The following PDE4D variants were observed in gnomAD, a reference collection of about 807,000 sequenced individuals.
PDE4D encodes the protein phosphodiesterase 4D, also known as 3',5'-cyclic-AMP phosphodiesterase 4D.
A neutral mutation model predicts 87.4 loss-of-function variants in PDE4D; 24 were observed. The observed-to-expected ratio is 0.27, with a 90% CI of 0.20 to 0.39. PDE4D has a LOEUF of 0.39. Ranked by LOEUF, PDE4D falls within the 10% of genes least tolerant of loss-of-function variation. PDE4D has a pLI of 1.00. For missense variants in PDE4D, 714 were observed against 1,041.0 expected (o/e 0.69, Z 4.32); for synonymous variants, 384 against 383.2 (o/e 1.00, Z -0.02).
At chr5:59,900,522 C>T (rs1752150084) in intron 3 of PDE4D, among the ~76,000 whole-genome samples, 1 of 152,064 alleles carries the variant, frequency 6.6e-6, no homozygotes, top group South Asian at 2.1e-4. Flanking sequence ...CTGCATATTG[C>T]TTTAGCATTG....
intron 2 of PDE4D, among the ~76,000 whole-genome samples, chr5:60,122,103 T>C (rs1232719165): frequency 6.6e-6 from 1 of 152,162 alleles, no homozygotes; most frequent in African/African-American, 2.4e-5. Context: ...TGGGTTCCCA[T>C]GGTCTTGGGC....
At chr5:59,532,400 A>G (rs1301790167) in intron 1 of PDE4D, among the ~76,000 whole-genome samples, 1 of 152,138 alleles carries the variant, frequency 6.6e-6, no homozygotes, top group African/African-American at 2.4e-5. Flanking sequence ...AGCCTCCCAA[A>G]GTGTTGAGAT....
At chr5:59,467,607 G>A (rs530057780) in intron 1 of PDE4D, among the ~76,000 whole-genome samples, 3 of 152,282 alleles carry the variant, frequency 2.0e-5, no homozygotes, top group Admixed American at 6.5e-5. Flanking sequence ...GAAGTTAACA[G>A]AAACATACTA....
Position 59,482,615 on chromosome 5 carries a change from T to C in PDE4D, c.456-266647A>G, listed in dbSNP as rs556612628. Among the ~76,000 whole-genome samples the C allele has an allele frequency of 3.9e-5, 6 of 152,238 alleles. No individual in the cohort carries two copies. The East Asian group carries it at 5.8e-4, about 15-fold the overall frequency. On this transcript the variant is annotated intron_variant, in intron 1 of 14. Coordinates refer to ENST00000340635, the MANE Select transcript of PDE4D (RefSeq NM_001104631.2). ...CCTTGTTGTGTCTGAAATGGACCCA[T>C]AGAAGTTATTGTGATGCCTTAGTAA...
chr5:59,916,137 A>G (rs1442157796), intron 3 of PDE4D, among the ~76,000 whole-genome samples: 1 of 152,184 alleles, frequency 6.6e-6, no homozygotes, highest in Non-Finnish European at 1.5e-5. Flanking sequence ...CTGAACTTTT[A>G]TATAATATTT....
intron 1 of PDE4D, among the ~76,000 whole-genome samples, chr5:59,877,568 A>G (rs1026531941): frequency 6.6e-6 from 1 of 151,518 alleles, no homozygotes; most frequent in African/African-American, 2.4e-5. Context: ...TAATCCCAGC[A>G]CTTTGGGAGG....
At chr5:60,510,648 G>C (rs1474903750) in intron 1 of PDE4D, among the ~76,000 whole-genome samples, 1 of 152,194 alleles carries the variant, frequency 6.6e-6, no homozygotes, top group Non-Finnish European at 1.5e-5. Flanking sequence ...GCAAGAGTAC[G>C]GAGGGCCTTA....
At chr5:59,658,770 G>T (rs1299667609) in intron 1 of PDE4D, among the ~76,000 whole-genome samples, 3 of 152,064 alleles carry the variant, frequency 2.0e-5, no homozygotes, top group African/African-American at 7.2e-5. Context: ...TTTATTGCAT[G>T]GTTTAAAAAG....
chr5:59,146,019 C>T lies in PDE4D; in HGVS notation c.808+34576G>A, dbSNP rs572843808. 5.3e-5 allele frequency among the ~76,000 whole-genome samples: 8 copies of T among 152,192 alleles called. No homozygotes were observed. In the South Asian group the frequency reaches 8.3e-4, roughly 16 times the overall value. On this transcript the variant is annotated intron_variant, in intron 5 of 14. Transcript: ENST00000340635. ...ACATACGCCTGTAGTCCCAGCTACT[C>T]GGGAGGCTAAGGCAGGAGAATCGCT...
At chr5:59,577,632 T>C (rs1417006564) in intron 1 of PDE4D, among the ~76,000 whole-genome samples, 1 of 152,160 alleles carries the variant, frequency 6.6e-6, no homozygotes, top group Non-Finnish European at 1.5e-5. Context: ...ACTTTTAGAA[T>C]CTTATTTAGA....
chr5:60,061,517 T>C (rs1247079292), intron 2 of PDE4D, among the ~76,000 whole-genome samples: 2 of 152,150 alleles, frequency 1.3e-5, no homozygotes, highest in African/African-American at 2.4e-5. Context: ...CAAAGTAGTT[T>C]ATAGATTAAG....
chr5:59,191,154 T>A (rs1184642131), intron 3 of PDE4D, among the ~76,000 whole-genome samples: 1 of 152,160 alleles, frequency 6.6e-6, no homozygotes, highest in Non-Finnish European at 1.5e-5. Context: ...ATTACATATA[T>A]GTGTGTATTT....
At chr5:59,796,311 G>GA (rs1223758201) in intron 1 of PDE4D, among the ~76,000 whole-genome samples, 7 of 151,872 alleles carry the variant, frequency 4.6e-5, no homozygotes, top group Admixed American at 2.0e-4. Context: ...TCTAGAAAAG[G>GA]AAAAAAAATG....
At chr5:59,841,082 A>G (rs1305782027) in intron 1 of PDE4D, among the ~76,000 whole-genome samples, 3 of 152,042 alleles carry the variant, frequency 2.0e-5, no homozygotes, top group Non-Finnish European at 4.4e-5. Context: ...AATGCTAAAA[A>G]CTAATTTCCC....
chr5:60,431,252 C>T (rs1408163534), intron 1 of PDE4D: 4 of 192,954 alleles, frequency 2.1e-5, no homozygotes, highest in South Asian at 1.6e-4. Flanking sequence ...GGCTGCCAGG[C>T]GGAGGGGCTC....
Position 59,392,503 on chromosome 5 carries a change from C to CTATATATATATATATATATATATATA in PDE4D, c.456-176536_456-176535insTATATATATATATATATATATATATA, listed in dbSNP as rs3061702. Among the ~76,000 whole-genome samples, 155 of 139,282 alleles carry CTATATATATATATATATATATATATA rather than the reference C, an allele frequency of 1.1e-3. 2 individuals carry two copies. Among genetic ancestry groups the CTATATATATATATATATATATATATA allele is most frequent in the African/African-American group, 2.8e-3 (105 of 37,030 alleles). The allele number at this position is 139,282 out of a possible 152,430, so 91.4% of individuals were successfully genotyped here. On this transcript the variant is annotated intron_variant, in intron 1 of 14. Transcript: ENST00000340635. ...ACCCTTTATATATATGTGTGTGTGTCTATATATATATATATATATATTCCA... is the reference window on the plus strand; with the variant it reads ...ACCCTTTATATATATGTGTGTGTGTCTATATATATATATATATATATATATATATATATATATATATATATATTCCA...
intron 2 of PDE4D, among the ~76,000 whole-genome samples, chr5:60,033,970 G>A (rs1178544452): frequency 6.6e-6 from 1 of 152,152 alleles, no homozygotes; most frequent in Non-Finnish European, 1.5e-5. Context: ...TATGGATAAA[G>A]GACCACAAGA....
At chr5:59,229,893 C>T (rs1015366753) in intron 1 of PDE4D, among the ~76,000 whole-genome samples, 17 of 152,080 alleles carry the variant, frequency 1.1e-4, no homozygotes, top group Admixed American at 6.6e-4. Flanking sequence ...CCGCCTCCCG[C>T]GTTCAAGTGA....
At chr5:60,257,880 C>T (rs1372911684) in intron 1 of PDE4D, among the ~76,000 whole-genome samples, 2 of 151,896 alleles carry the variant, frequency 1.3e-5, no homozygotes, top group African/African-American at 2.4e-5. Context: ...AAGCTGTTAT[C>T]AATTTGCTCA....
Sources: allele counts gnomAD v4.1 joint callset (sites outside exome capture counted in the v4.1 genomes callset), GRCh38; gene constraint gnomAD v4.1.1; transcripts MANE v1.5; gene names NCBI Gene and HGNC (gene_info 2026-07-23, HGNC 2026-07-21).